FYN: variants seen among roughly 807,000 people sequenced by gnomAD.
FYN encodes FYN proto-oncogene, Src family tyrosine kinase.
A neutral mutation model predicts 70.2 loss-of-function variants in FYN; 10 were observed. The observed-to-expected ratio is 0.14, with a 90% CI of 0.09 to 0.24. The LOEUF (loss-of-function observed/expected upper bound fraction) is 0.24. FYN is among the 10% of genes least tolerant of loss of function. FYN has a pLI of 1.00. For synonymous variants in FYN, 236 were observed against 248.6 expected, an observed-to-expected ratio of 0.95 and a Z score of 0.48; for missense variants, 319 against 673.1, an observed-to-expected ratio of 0.47 and a Z score of 5.82.
At chr6:111,767,723 C>G (rs988879695) in intron 3 of FYN, among the ~76,000 whole-genome samples, 2 of 152,112 alleles carry the variant, frequency 1.3e-5, no homozygotes, top group Non-Finnish European at 2.9e-5. Flanking sequence ...TTGAAAATTA[C>G]GTGTGTACTC....
At chr6:111,723,766 T>C (rs563263938) in intron 3 of FYN, among the ~76,000 whole-genome samples, 1 of 152,252 alleles carries the variant, frequency 6.6e-6, no homozygotes, top group Non-Finnish European at 1.5e-5. Flanking sequence ...TGCAGAGTTA[T>C]GTGCTGTGGC....
intron 4 of FYN, among the ~76,000 whole-genome samples, chr6:111,715,663 C>T (rs573643089): frequency 5.3e-5 from 8 of 152,206 alleles, no homozygotes; most frequent in South Asian, 2.1e-4. Context: ...CAACAGCCAG[C>T]GAGGCACCGA....
chr6:111,764,905 C>T (rs1026844145), intron 3 of FYN, among the ~76,000 whole-genome samples: 1 of 152,056 alleles, frequency 6.6e-6, no homozygotes, highest in African/African-American at 2.4e-5. Context: ...TCTTGTTCCC[C>T]TTTGCTGGCA....
chr6:111,732,590 T>C (rs1801515960), intron 3 of FYN, among the ~76,000 whole-genome samples: 1 of 152,232 alleles, frequency 6.6e-6, no homozygotes, highest in Admixed American at 6.5e-5. Context: ...ATAGCTTTAG[T>C]GAGCCTCTGG....
At chr6:111,867,112 T>C (rs893231268) in intron 1 of FYN, among the ~76,000 whole-genome samples, 6 of 152,198 alleles carry the variant, frequency 3.9e-5, no homozygotes, top group Non-Finnish European at 7.3e-5. Flanking sequence ...ACATTCTCCC[T>C]GGGTGACCTC....
At chr6:111,869,972 G>A (rs538260696) in intron 1 of FYN, among the ~76,000 whole-genome samples, 7 of 152,316 alleles carry the variant, frequency 4.6e-5, no homozygotes, top group African/African-American at 1.2e-4. Flanking sequence ...ACGGGTGTCC[G>A]CTCTAGGTTT....
intron 6 of FYN, among the ~76,000 whole-genome samples, chr6:111,706,913 A>G (rs1016836238): frequency 3.3e-5 from 5 of 152,320 alleles, no homozygotes; most frequent in Admixed American, 1.3e-4. Context: ...GAAAGAAACA[A>G]CTAAGAACCA....
intron 12 of FYN, chr6:111,676,506 A>T (rs1798536625): frequency 6.6e-6 from 1 of 152,214 alleles, no homozygotes; most frequent in Admixed American, 6.5e-5. Flanking sequence ...TTCTTCTCAC[A>T]CTTCCTATCC....
intron 2 of FYN, among the ~76,000 whole-genome samples, chr6:111,824,813 C>T (rs1479217963): frequency 6.6e-6 from 1 of 152,226 alleles, no homozygotes; most frequent in Non-Finnish European, 1.5e-5. Flanking sequence ...ACCAGGTAGC[C>T]ACAAAATGAG....
At chr6:111,824,867 C>G (rs1280171011) in intron 2 of FYN, among the ~76,000 whole-genome samples, 1 of 152,234 alleles carries the variant, frequency 6.6e-6, no homozygotes, top group Non-Finnish European at 1.5e-5. Context: ...ATCAAGTTCA[C>G]AAATTCATAA....
intron 3 of FYN, among the ~76,000 whole-genome samples, chr6:111,726,898 C>T (rs1365434288): frequency 6.6e-6 from 1 of 152,206 alleles, no homozygotes. Flanking sequence ...GGCATTTCCA[C>T]TGCTTGCACT....
At chr6:111,803,594 T>C (rs529508470) in intron 2 of FYN, among the ~76,000 whole-genome samples, 94 of 152,138 alleles carry the variant, frequency 6.2e-4, no homozygotes, top group Non-Finnish European at 1.1e-3. Context: ...AAGGAAGTAA[T>C]CCACTTCATA....
At chr6:111,755,458 G>C (rs1378629958) in intron 3 of FYN, among the ~76,000 whole-genome samples, 1 of 152,164 alleles carries the variant, frequency 6.6e-6, no homozygotes, top group Non-Finnish European at 1.5e-5. Flanking sequence ...CACCTCTCTT[G>C]AAGAGATTGA....
At chr6:111,855,213 A>G (rs1773794538) in intron 1 of FYN, among the ~76,000 whole-genome samples, 1 of 152,190 alleles carries the variant, frequency 6.6e-6, no homozygotes. Flanking sequence ...CATTTATCTC[A>G]TGGGATCAAA....
At chr6:111,689,163 T>A (rs1030009156) in intron 12 of FYN, among the ~76,000 whole-genome samples, 1 of 152,224 alleles carries the variant, frequency 6.6e-6, no homozygotes, top group Non-Finnish European at 1.5e-5. Flanking sequence ...ATCATTTTTA[T>A]TATCACCATT....
intron 1 of FYN, among the ~76,000 whole-genome samples, chr6:111,870,193 T>C (rs1228858803): frequency 6.6e-6 from 1 of 152,194 alleles, no homozygotes; most frequent in Non-Finnish European, 1.5e-5. Context: ...GAAGTGATGG[T>C]GGCACTTCCA....
chr6:111,805,001 A>T lies in FYN; in HGVS notation c.-81-24366T>A, dbSNP rs1008804940. On this transcript the variant is annotated intron_variant, in intron 2 of 13. Transcript: ENST00000354650. ...TGCCTTAAACCTAACCCAGGGGTTA[A>T]CCTCCAGGAGTCCTTTTCAGCCTGC... Among the ~76,000 whole-genome samples, 51 of 151,632 alleles carry T rather than the reference A, an allele frequency of 3.4e-4. 1 individual carries two copies. The highest frequency in any genetic ancestry group is 1.2e-3 in the African/African-American group (48 of 41,348).
At chr6:111,674,747 C>T (rs995643269) in intron 12 of FYN, 117 bp from the exon 13 acceptor site, 47 of 1,120,234 alleles carry the variant, frequency 4.2e-5, no homozygotes, top group African/African-American at 6.2e-5. Flanking sequence ...GAGGGGAAGA[C>T]AGAAAGGAGG....
chr6:111,737,499 T>C (rs966655879), intron 3 of FYN, among the ~76,000 whole-genome samples: 2 of 152,268 alleles, frequency 1.3e-5, no homozygotes, highest in East Asian at 3.9e-4. Flanking sequence ...TTTTAAAGGA[T>C]ACAGATGAAG....
Sources: allele counts gnomAD v4.1 joint callset (sites outside exome capture counted in the v4.1 genomes callset), GRCh38; gene constraint gnomAD v4.1.1; transcripts MANE v1.5; gene names NCBI Gene and HGNC (gene_info 2026-07-23, HGNC 2026-07-21).